The following NAALADL2 variants were observed in gnomAD, a reference collection of about 807,000 sequenced individuals.
The protein encoded by NAALADL2 is inactive N-acetylated-alpha-linked acidic dipeptidase-like protein 2.
A neutral mutation model predicts 87.2 loss-of-function variants in NAALADL2; 76 were observed. The ratio of observed to expected loss-of-function variants is 0.87; its 90% CI spans 0.72 to 1.05. NAALADL2 has a LOEUF of 1.05. Ranked by LOEUF, NAALADL2 falls within the 50% of genes least tolerant of loss-of-function variation. The pLI is 0.00. For missense variants in NAALADL2, 1,089 were observed against 945.8 expected, an observed-to-expected ratio of 1.15 and a Z score of -1.99; for synonymous variants, 354 against 331.0, an observed-to-expected ratio of 1.07 and a Z score of -0.75.
At chr3:175,529,187 G>C (rs900810271) in intron 9 of NAALADL2, among the ~76,000 whole-genome samples, 2 of 152,188 alleles carry the variant, frequency 1.3e-5, no homozygotes, top group African/African-American at 4.8e-5. Context: ...TGAAGTAGTA[G>C]ACTGATTTCA....
chr3:175,269,149 G>T lies in NAALADL2; in HGVS notation c.939+12619G>T, dbSNP rs540261971. On this transcript the variant is annotated intron_variant, in intron 4 of 13. Coordinates refer to ENST00000454872, the MANE Select transcript of NAALADL2 (RefSeq NM_207015.3). ...AGACGGGATTTCACCATGTTGACCGGGCTGGTCTTGAACTCCTAGCCTCAA... is the reference window on the plus strand; with the variant it reads ...AGACGGGATTTCACCATGTTGACCGTGCTGGTCTTGAACTCCTAGCCTCAA... Among the ~76,000 whole-genome samples, 3 of 151,786 alleles carry T rather than the reference G, an allele frequency of 2.0e-5. No homozygotes were observed. The East Asian group carries it at 5.8e-4, about 29-fold the overall frequency.
At chr3:175,160,308 A>G (rs1732959407) in intron 2 of NAALADL2, among the ~76,000 whole-genome samples, 1 of 149,838 alleles carries the variant, frequency 6.7e-6, no homozygotes. Context: ...TGTTTACAAA[A>G]GGCTTATAAG....
At chr3:175,347,406 C>A (rs1010421394) in intron 5 of NAALADL2, among the ~76,000 whole-genome samples, 1 of 152,070 alleles carries the variant, frequency 6.6e-6, no homozygotes, top group Non-Finnish European at 1.5e-5. Flanking sequence ...ACTGGGTCTA[C>A]CCCATAAGCC....
At chr3:175,060,182 C>G (rs1331252234) in intron 1 of NAALADL2, among the ~76,000 whole-genome samples, 1 of 152,186 alleles carries the variant, frequency 6.6e-6, no homozygotes, top group African/African-American at 2.4e-5. Context: ...ATTTAGCAAG[C>G]TGTCACAGCC....
chr3:175,052,679 A>C (rs1755571932), intron 1 of NAALADL2, among the ~76,000 whole-genome samples: 1 of 120,090 alleles, frequency 8.3e-6, no homozygotes, highest in Admixed American at 1.1e-4. Flanking sequence ...TGTTCTTTTA[A>C]TATTTTGCAA....
intron 11 of NAALADL2, among the ~76,000 whole-genome samples, chr3:175,652,547 C>T (rs1300026010): frequency 6.8e-6 from 1 of 146,082 alleles, no homozygotes; most frequent in East Asian, 2.0e-4. Context: ...GGTGCCATCT[C>T]GGCTCACTGC....
intron 2 of NAALADL2, among the ~76,000 whole-genome samples, chr3:174,599,241 T>A (rs1041924718): frequency 6.6e-6 from 1 of 152,112 alleles, no homozygotes. Context: ...AGGTAGTAGA[T>A]CTCATAGGTT....
chr3:175,334,826 G>T lies in NAALADL2; in HGVS notation c.1090+10501G>T, dbSNP rs373745701. On this transcript the variant is annotated intron_variant, in intron 5 of 13. Coordinates refer to ENST00000454872, the MANE Select transcript of NAALADL2 (RefSeq NM_207015.3). ...TAAAGGGAGAAATGGAACTCCCTTT[G>T]TGTTCCACTTTGTGTTATTGGGACC... Among the ~76,000 whole-genome samples, 39 of 152,282 alleles carry T rather than the reference G, an allele frequency of 2.6e-4. No individual in the cohort carries two copies. In the East Asian group the frequency reaches 4.1e-3, roughly 16 times the overall value.
chr3:175,784,670 A>AT (rs1246642529), intron 13 of NAALADL2, among the ~76,000 whole-genome samples: 8 of 135,514 alleles, frequency 5.9e-5, no homozygotes, highest in Non-Finnish European at 1.2e-4. Context: ...GGATTCATTA[A>AT]TTTTTTGAAG....
intron 1 of NAALADL2, among the ~76,000 whole-genome samples, chr3:175,045,296 A>T (rs1428058655): frequency 6.6e-6 from 1 of 152,100 alleles, no homozygotes. Flanking sequence ...GAAAATTTCT[A>T]TTAGTTCATT....
intron 1 of NAALADL2, among the ~76,000 whole-genome samples, chr3:175,078,799 T>C (rs1179792016): frequency 6.6e-6 from 1 of 152,234 alleles, no homozygotes; most frequent in Non-Finnish European, 1.5e-5. Flanking sequence ...AATATTCCCA[T>C]GTATGGATGT....
intron 13 of NAALADL2, among the ~76,000 whole-genome samples, chr3:175,761,624 C>T (rs1200084139): frequency 6.6e-6 from 1 of 152,128 alleles, no homozygotes; most frequent in Non-Finnish European, 1.5e-5. Flanking sequence ...CACCAGTAGT[C>T]AATGAAACTT....
At chr3:174,527,519 C>CAAA (rs1339853258) in intron 1 of NAALADL2, among the ~76,000 whole-genome samples, 1 of 91,200 alleles carries the variant, frequency 1.1e-5, no homozygotes, top group South Asian at 3.3e-4. Context: ...AACTCCATCT[C>CAAA]AAAAAAAAAA....
At chr3:175,265,936 A>G (rs1019652564) in intron 4 of NAALADL2, among the ~76,000 whole-genome samples, 1 of 149,698 alleles carries the variant, frequency 6.7e-6, no homozygotes, top group Non-Finnish European at 1.5e-5. Context: ...TTTTTAACTG[A>G]AAATATATAT....
chr3:174,922,403 A>G (rs1377056294), intron 1 of NAALADL2, among the ~76,000 whole-genome samples: 1 of 152,132 alleles, frequency 6.6e-6, no homozygotes, highest in East Asian at 1.9e-4. Flanking sequence ...AAAATAAGAC[A>G]CAAGTTTCAT....
At chr3:175,507,022 T>G (rs2149384035) in intron 9 of NAALADL2, among the ~76,000 whole-genome samples, 1 of 152,188 alleles carries the variant, frequency 6.6e-6, no homozygotes, top group South Asian at 2.1e-4. Flanking sequence ...GCACATCCTC[T>G]TCTCCCACAT....
At chr3:175,310,913 G>C (rs1269309815) in intron 4 of NAALADL2, among the ~76,000 whole-genome samples, 3 of 151,486 alleles carry the variant, frequency 2.0e-5, no homozygotes, top group African/African-American at 7.3e-5. Context: ...TGGTTCAAAA[G>C]AAGCAGCATG....
chr3:174,836,538 A>G (rs1243071602), intron 3 of NAALADL2, among the ~76,000 whole-genome samples: 2 of 151,960 alleles, frequency 1.3e-5, no homozygotes, highest in Non-Finnish European at 2.9e-5. Flanking sequence ...CTTCTCTACT[A>G]AAAATACAAC....
intron 6 of NAALADL2, among the ~76,000 whole-genome samples, chr3:175,458,624 A>C (rs906098362): frequency 2.0e-5 from 3 of 149,150 alleles, no homozygotes; most frequent in Non-Finnish European, 3.0e-5. Context: ...GAACATATCA[A>C]TATCAAGTTT....
Sources: gnomAD v4.1 joint callset for allele counts (sites outside exome capture counted in the v4.1 genomes callset) on GRCh38, gnomAD v4.1.1 for gene constraint, MANE v1.5 for transcripts, NCBI Gene and HGNC (gene_info 2026-07-23, HGNC 2026-07-21) for gene names.